CXCR6: variants seen among roughly 807,000 people sequenced by gnomAD.
CXCR6 encodes C-X-C chemokine receptor type 6.
CXCR6 carries 3 observed loss-of-function variants against 1.6 expected under a neutral mutation model. The observed-to-expected ratio is 1.83, with a 90% CI of 0.83 to 4.72. The LOEUF (loss-of-function observed/expected upper bound fraction) is 4.72. Ranked by LOEUF, CXCR6 falls within the 30% of genes most tolerant of loss-of-function variation. CXCR6 has a pLI of 0.02. For missense variants in CXCR6, 326 were observed against 414.8 expected (o/e 0.79, Z 1.86); for synonymous variants, 171 against 159.2 (o/e 1.07, Z -0.56).
chr3:45,944,322 G>A (rs1443756680), intron 1 of CXCR6, among the ~76,000 whole-genome samples: 2 of 152,048 alleles, frequency 1.3e-5, no homozygotes, highest in Non-Finnish European at 2.9e-5. Context: ...ATATCCTTTT[G>A]ACATCTATTT....
chr3:45,943,815 C>T (rs541035859), intron 1 of CXCR6, among the ~76,000 whole-genome samples: 1 of 152,282 alleles, frequency 6.6e-6, no homozygotes, highest in East Asian at 1.9e-4. Context: ...CAGACCCACC[C>T]AGGGAGATAA....
In CXCR6 at chr3:45,947,463, T is replaced by C. The variant is rs1236044624; in HGVS notation, c.982T>C (p.Phe328Leu). 6.2e-7 allele frequency: 1 copy of C among 1,614,168 alleles called. No homozygotes were observed. Among genetic ancestry groups the C allele is most frequent in the Admixed American group, 1.7e-5 (1 of 60,024 alleles). ...ATCTTCTGAGGACAATTCCAAGACT[T>C]TTTCTGCCTCCCACAATGTGGAGGC... ...WKSSEDNSKT[F>L]SASHNVEATS... The change falls in exon 2 of 2, where the codon TTT (phenylalanine) becomes CTT (leucine). Residue 328 changes from phenylalanine (F) to leucine (L), a missense_variant. Physicochemically the swap from Phe to Leu is conservative, Grantham distance 22. Coordinates refer to ENST00000304552, the MANE Select transcript of CXCR6 (RefSeq NM_006564.2).
At chr3:45,941,519 T>C (rs188563433), upstream of CXCR6, among the ~76,000 whole-genome samples, 25 of 152,380 alleles carry the variant, frequency 1.6e-4, 1 homozygote, top group East Asian at 3.9e-3. Context: ...AATTGGCAGA[T>C]AGTAAACGGC....
At chr3:45,941,733 T>C (rs533929675), upstream of CXCR6, among the ~76,000 whole-genome samples, 2 of 152,306 alleles carry the variant, frequency 1.3e-5, no homozygotes, top group South Asian at 2.1e-4. Context: ...CTGGCTTGTT[T>C]TTCCCCATGG....
At chr3:45,942,010 T>A (rs1210798966), upstream of CXCR6, among the ~76,000 whole-genome samples, 1 of 152,286 alleles carries the variant, frequency 6.6e-6, no homozygotes, top group Non-Finnish European at 1.5e-5. Context: ...TACATCCATC[T>A]GTCCATCGGT....
At chr3:45,944,008 C>T (rs1704416953) in intron 1 of CXCR6, among the ~76,000 whole-genome samples, 2 of 152,056 alleles carry the variant, frequency 1.3e-5, no homozygotes, top group African/African-American at 2.4e-5. Flanking sequence ...CCCATAATTC[C>T]ACCAGCTGGA....
intron 1 of CXCR6, among the ~76,000 whole-genome samples, chr3:45,944,684 G>C (rs2125819111): frequency 6.6e-6 from 1 of 152,204 alleles, no homozygotes; most frequent in African/African-American, 2.4e-5. Context: ...ATACATCAAA[G>C]TTTACCAATT....
intron 1 of CXCR6, among the ~76,000 whole-genome samples, chr3:45,944,247 G>C (rs1408156232): frequency 3.9e-5 from 6 of 151,940 alleles, no homozygotes; most frequent in Admixed American, 3.3e-4. Flanking sequence ...CTGAGAAAAG[G>C]TCTGCAGTTT....
rs778197838 is a variant in CXCR6 at position 45,946,619 on chromosome 3, G to A, written c.138G>A (p.Leu46=). ...ACCTGGTGGTGTTTGTCTGTGGTCT[G>A]GTGGGGAACTCTCTGGTGCTGGTCA... ...CMYLVVFVCG[L]VGNSLVLVIS... The change falls in exon 2 of 2, where the codon CTG becomes CTA. Residue 46 remains leucine (L), a synonymous_variant. Coordinates refer to ENST00000304552, the MANE Select transcript of CXCR6 (RefSeq NM_006564.2). 1 of 1,614,202 alleles carries A rather than the reference G, an allele frequency of 6.2e-7. No individual in the cohort carries two copies. Among genetic ancestry groups the A allele is most frequent in the East Asian group, 2.2e-5 (1 of 44,886 alleles).
At position 45,944,385 on chromosome 3, in the gene CXCR6, C is replaced by G. The variant is rs2125818547; in HGVS notation, c.-22+845C>G. On this transcript the variant is annotated intron_variant, in intron 1 of 1. Coordinates refer to ENST00000304552, the MANE Select transcript of CXCR6 (RefSeq NM_006564.2). ...TTTGCATATTTACTTTGTGTTTACA[C>G]TGTTCTTAGCAATTTAACTGTATTG... Among the ~76,000 whole-genome samples, 2 of 152,252 alleles carry G rather than the reference C, an allele frequency of 1.3e-5. 1 individual carries two copies. Among genetic ancestry groups the G allele is most frequent in the South Asian group, 4.2e-4 (2 of 4,818 alleles).
Position 45,946,813 on chromosome 3 carries a change from T to C in CXCR6, c.332T>C (p.Ile111Thr). 2 of 1,614,218 alleles carry C rather than the reference T, an allele frequency of 1.2e-6. No homozygotes were observed. The highest frequency in any genetic ancestry group is 1.7e-6 in the Non-Finnish European group (2 of 1,180,036). The change falls in exon 2 of 2, where the codon ATT becomes ACT. Residue 111 changes from isoleucine (I) to threonine (T), a missense_variant. By Grantham distance (89) the Ile-to-Thr change is moderately conservative (BLOSUM62 -1). Coordinates refer to ENST00000304552, the MANE Select transcript of CXCR6 (RefSeq NM_006564.2). The stretch of plus-strand genomic sequence containing the variant: ...AAGAGCCTACTGGGCATCTACACTA[T>C]TAACTTCTACACGTCCATGCTCATC... Reference protein sequence around the residue: ...MCKSLLGIYTINFYTSMLILT... With the variant: ...MCKSLLGIYTTNFYTSMLILT...
upstream of CXCR6, among the ~76,000 whole-genome samples, chr3:45,941,811 G>T (rs1357598453): frequency 1.3e-5 from 2 of 152,200 alleles, no homozygotes; most frequent in Non-Finnish European, 2.9e-5. Flanking sequence ...TTCTAACACT[G>T]CCCTATGGAC....
rs1053779315 is a variant in CXCR6, at chr3:45,947,567, C to T, written c.*57C>T. ...AATTTGCAAGTCATGGCTGTGCCCT[C>T]TTGATGTGGTGAGGCAGGCTTTGTT... On this transcript the variant is annotated 3_prime_UTR_variant, in exon 2 of 2. Transcript: ENST00000304552. 5.2e-6 allele frequency: 7 copies of T among 1,346,876 alleles called. No individual in the cohort carries two copies. In the African/African-American group the frequency reaches 8.7e-5, roughly 17 times the overall value. The allele number at this position is 1,346,876 out of a possible 1,614,324, so 83.4% of individuals were successfully genotyped here. A position where few individuals can be genotyped will look rare whatever the true frequency, so the allele number is the denominator to read the frequency against.
upstream of CXCR6, among the ~76,000 whole-genome samples, chr3:45,941,472 A>G (rs1704219996): frequency 6.6e-6 from 1 of 152,230 alleles, no homozygotes; most frequent in Non-Finnish European, 1.5e-5. Flanking sequence ...GTTTTGTTTC[A>G]AATAAAAGTA....
upstream of CXCR6, chr3:45,943,349 T>C (rs1317239261): frequency 6.6e-6 from 1 of 152,148 alleles, no homozygotes; most frequent in East Asian, 1.9e-4. Context: ...ACCCACGCGT[T>C]ACACAGGGGC....
At chr3:45,941,047 C>G (rs1023473133), upstream of CXCR6, 2 of 152,244 alleles carry the variant, frequency 1.3e-5, no homozygotes, top group African/African-American at 4.8e-5. Context: ...GATCTCTCAG[C>G]TCATCCTGGT....
intron 1 of CXCR6, chr3:45,945,452 G>A (rs777991512): frequency 6.6e-6 from 1 of 152,244 alleles, no homozygotes; most frequent in Non-Finnish European, 1.5e-5. Context: ...CATGGTCTTT[G>A]GCAGGGTCAC....
chr3:45,941,375 C>G (rs1312860116), upstream of CXCR6: 1 of 152,140 alleles, frequency 6.6e-6, no homozygotes, highest in Non-Finnish European at 1.5e-5. Context: ...TTTTACTCTT[C>G]CCTCAATTTT....
At chr3:45,942,048 T>G (rs1286651595), upstream of CXCR6, among the ~76,000 whole-genome samples, 3 of 152,234 alleles carry the variant, frequency 2.0e-5, no homozygotes, top group African/African-American at 4.8e-5. Context: ...TCATGGTTCA[T>G]GCCCATAAGG....
Sources: allele counts gnomAD v4.1 joint callset (sites outside exome capture counted in the v4.1 genomes callset), GRCh38; gene constraint gnomAD v4.1.1; transcripts MANE v1.5; gene names NCBI Gene and HGNC (gene_info 2026-07-23, HGNC 2026-07-21).